IPO5: variants seen among roughly 807,000 people sequenced by gnomAD.
IPO5 encodes the protein importin-5.
In IPO5, 18 loss-of-function variants were observed where a neutral mutation model predicts 143.3. That is an observed-to-expected ratio of 0.13 (90% confidence interval 0.09 to 0.19). The LOEUF (loss-of-function observed/expected upper bound fraction) is 0.19, where lower values mean the gene tolerates loss of function less well. Ranked by LOEUF, IPO5 falls within the 10% of genes least tolerant of loss-of-function variation. IPO5 has a pLI of 1.00. For missense variants in IPO5, 1,013 were observed against 1,336.9 expected (o/e 0.76, Z 3.78); for synonymous variants, 477 against 465.7 (o/e 1.02, Z -0.31).
rs537792766 is a variant in IPO5 at position 97,953,697 on chromosome 13, C to G, written c.-212C>G. The G allele has an allele frequency of 4.0e-6, 1 of 250,730 alleles. No homozygotes were observed. The highest frequency in any genetic ancestry group is 5.2e-5 in the Admixed American group (1 of 19,410). The allele number at this position is 250,730 out of a possible 1,614,324, so 15.5% of individuals were successfully genotyped here. A position where few individuals can be genotyped will look rare whatever the true frequency, so the allele number is the denominator to read the frequency against. ...GATGACCTCCCACAACTGGAGCAGCCGGGAACAGCTCTGACCACAGTAAGT... is the reference window on the plus strand; with the variant it reads ...GATGACCTCCCACAACTGGAGCAGCGGGGAACAGCTCTGACCACAGTAAGT... On this transcript the variant is annotated 5_prime_UTR_variant, in exon 1 of 29. Transcript: ENST00000651721.
At chr13:98,013,287 CA>C (rs1200674251) in intron 21 of IPO5, among the ~76,000 whole-genome samples, 1 of 152,104 alleles carries the variant, frequency 6.6e-6, no homozygotes, top group Non-Finnish European at 1.5e-5. Context: ...CCACGTTGGC[CA>C]GGCAGGTCTC....
At chr13:97,992,032 G>A (rs1440060408) in intron 9 of IPO5, among the ~76,000 whole-genome samples, 2 of 152,280 alleles carry the variant, frequency 1.3e-5, no homozygotes, top group East Asian at 3.9e-4. Flanking sequence ...AGCTAAAATT[G>A]AAGGTTTCCA....
At chr13:97,993,672 C>T (rs1157161393) in intron 11 of IPO5, among the ~76,000 whole-genome samples, 1 of 152,166 alleles carries the variant, frequency 6.6e-6, no homozygotes, top group Non-Finnish European at 1.5e-5. Flanking sequence ...GTTTTATAGA[C>T]CCTCGTTGCA....
rs750946991 is a variant in IPO5 at position 98,021,115 on chromosome 13, T to C, written c.3189T>C (p.Asn1063=). The change falls in exon 28 of 29, where the codon AAT becomes AAC. Residue 1063 remains asparagine, a synonymous_variant. Transcript: ENST00000651721. ...HEDPCAKRLA[N]VVRQVQTSGG... Reference sequence around the variant, plus strand: ...ATCCTTGTGCCAAACGTCTGGCCAATGTCGTTCGCCAAGTACAGGTAAGCT... The same window carrying C: ...ATCCTTGTGCCAAACGTCTGGCCAACGTCGTTCGCCAAGTACAGGTAAGCT... 8.1e-6 allele frequency: 13 copies of C among 1,605,982 alleles called. No homozygotes were observed. Among genetic ancestry groups the C allele is most frequent in the Admixed American group, 1.7e-5 (1 of 58,228 alleles).
chr13:97,971,728 C>G (rs1885840566), intron 3 of IPO5, among the ~76,000 whole-genome samples: 1 of 152,170 alleles, frequency 6.6e-6, no homozygotes, highest in Non-Finnish European at 1.5e-5. Context: ...GTAGGAGGAT[C>G]GCTTGAGCCC....
At chr13:97,975,388 G>A (rs1454626729) in intron 3 of IPO5, among the ~76,000 whole-genome samples, 3 of 152,166 alleles carry the variant, frequency 2.0e-5, no homozygotes, top group Non-Finnish European at 4.4e-5. Flanking sequence ...GTATTTGGGA[G>A]GCTGAGGCAT....
intron 5 of IPO5, among the ~76,000 whole-genome samples, chr13:97,984,103 C>G (rs1887118637): frequency 6.8e-6 from 1 of 146,938 alleles, no homozygotes; most frequent in African/African-American, 2.5e-5. Flanking sequence ...CTCAGCCTCC[C>G]AAGTAGCTGG....
rs1890578287 is a variant in IPO5 at position 98,022,868 on chromosome 13, A to G, written c.*1046A>G. 6.6e-6 allele frequency: 1 copy of G among 152,650 alleles called. No individual in the cohort carries two copies. The highest frequency in any genetic ancestry group is 1.5e-5 in the Non-Finnish European group (1 of 68,040). 9.5% of individuals were successfully genotyped at this position (152,650 alleles called of 1,614,324 possible). On this transcript the variant is annotated 3_prime_UTR_variant, in exon 29 of 29. Coordinates refer to ENST00000651721, the MANE Select transcript of IPO5 (RefSeq NM_002271.6). ...GTTATGGCTAAAGTTATTTACTGAA[A>G]ATTTCAGTAAAATGTGTGAATGTTT...
At chr13:97,989,742 T>G (rs1887666617) in intron 7 of IPO5, among the ~76,000 whole-genome samples, 1 of 152,218 alleles carries the variant, frequency 6.6e-6, no homozygotes, top group Non-Finnish European at 1.5e-5. Flanking sequence ...TATATATCTT[T>G]GTTTATATCA....
intron 4 of IPO5, chr13:97,977,165 C>G (rs1484765518): frequency 6.5e-6 from 1 of 154,920 alleles, no homozygotes; most frequent in Non-Finnish European, 1.4e-5. Context: ...CCCCACTGCC[C>G]TTCCAGCCGC....
chr13:97,964,063 G>GT (rs1318971008), intron 2 of IPO5, among the ~76,000 whole-genome samples: 2 of 151,994 alleles, frequency 1.3e-5, no homozygotes, highest in African/African-American at 4.8e-5. Context: ...TTGTAAATTT[G>GT]TTTAAGTTAT....
In IPO5 at chr13:97,969,668, A is replaced by G. The variant is rs1439608175; in HGVS notation, c.-112-55A>G. On this transcript the variant is annotated intron_variant, in intron 2 of 28. Transcript: ENST00000651721. ...ATCAGATGTGATTTTTAAGAATATC[A>G]TCTTCAAAATTAAGTACCATCTAAT... 1.1e-5 allele frequency: 8 copies of G among 760,716 alleles called. No individual in the cohort carries two copies. In the Admixed American group the frequency reaches 1.3e-4, roughly 13 times the overall value. The allele number at this position is 760,716 out of a possible 1,614,324, so 47.1% of individuals were successfully genotyped here.
intron 6 of IPO5, among the ~76,000 whole-genome samples, chr13:97,986,247 A>G (rs1378187025): frequency 6.6e-6 from 1 of 152,226 alleles, no homozygotes; most frequent in African/African-American, 2.4e-5. Flanking sequence ...TACTTTGTAC[A>G]TTAAACTTGC....
intron 11 of IPO5, among the ~76,000 whole-genome samples, chr13:97,994,893 A>G (rs1888113956): frequency 6.6e-6 from 1 of 152,154 alleles, no homozygotes; most frequent in African/African-American, 2.4e-5. Flanking sequence ...TGGAAAGCCA[A>G]GGTGGGTAAA....
intron 2 of IPO5, among the ~76,000 whole-genome samples, chr13:97,960,741 T>C (rs923460287): frequency 6.6e-6 from 1 of 152,098 alleles, no homozygotes; most frequent in Non-Finnish European, 1.5e-5. Context: ...GTACTTTCAG[T>C]AGAGACAGCG....
At chr13:97,976,840 T>G in intron 4 of IPO5, 54 bp downstream of exon 4, 3 of 735,874 alleles carry the variant, frequency 4.1e-6, no homozygotes, top group Non-Finnish European at 5.9e-6. Context: ...GCCGACCCTT[T>G]ACCGACGCCA....
chr13:97,985,577 T>G lies in IPO5; in HGVS notation c.328T>G (p.Cys110Gly), dbSNP rs763393455. The G allele has an allele frequency of 2.1e-5, 34 of 1,613,908 alleles. No individual in the cohort carries two copies. Among genetic ancestry groups the G allele is most frequent in the Admixed American group, 3.3e-5 (2 of 59,986 alleles). Residue 110 changes from cysteine to glycine, a missense_variant, in exon 6 of 29, where the codon TGT (cysteine) becomes GGT (glycine). By Grantham distance (159) the Cys-to-Gly change is radical (BLOSUM62 -3). Around this residue, in one of 2 missense-constraint regions of IPO5, gnomAD observed 328 missense variants for 342.0 expected, o/e 0.96. Transcript: ENST00000651721. ...ACAATCTAGCATGAGGAAAAAAGTT[T>G]GTGATATTGCGGCAGAACTGGCCAG... ...ETQSSMRKKV[C>G]DIAAELARNL...
intron 16 of IPO5, among the ~76,000 whole-genome samples, chr13:98,005,231 C>A (rs1046789200): frequency 2.1e-4 from 32 of 150,772 alleles, no homozygotes; most frequent in Non-Finnish European, 3.5e-4. Flanking sequence ...GAGTCTTGCT[C>A]TTGTCAACCC....
chr13:98,019,484 AC>A, intron 26 of IPO5, 96 bp from the exon 27 acceptor site: 1 of 829,102 alleles, frequency 1.2e-6, no homozygotes, highest in Non-Finnish European at 1.9e-6. Context: ...ACATTTCTTT[AC>A]CATAATCAAT....
Sources: allele counts gnomAD v4.1 joint callset (sites outside exome capture counted in the v4.1 genomes callset), GRCh38; gene constraint gnomAD v4.1.1; regional missense constraint gnomAD v4.1.1; transcripts MANE v1.5; gene names NCBI Gene and HGNC (gene_info 2026-07-23, HGNC 2026-07-21).